RAI2: variants seen among roughly 807,000 people sequenced by gnomAD.
RAI2 encodes retinoic acid induced 2.
Under a neutral mutation model 15.3 loss-of-function variants are expected in RAI2, and 5 were observed. The ratio of observed to expected loss-of-function variants is 0.33; its 90% CI spans 0.17 to 0.69. RAI2 has a LOEUF of 0.69. Among genes scored for constraint, RAI2 ranks in the 30% least tolerant of loss-of-function variants. The pLI, the probability that RAI2 is intolerant of heterozygous loss-of-function variation, is 0.69. For missense variants in RAI2, 424 were observed against 424.7 expected (o/e 1.00, Z 0.01); for synonymous variants, 191 against 184.0 (o/e 1.04, Z -0.31).
intron 1 of RAI2, among the ~76,000 whole-genome samples, chrX:17,807,863 CAT>C (rs1332059281): frequency 8.9e-6 from 1 of 112,393 alleles, no homozygotes; most frequent in Non-Finnish European, 1.9e-5. Flanking sequence ...CATCTTAAAA[CAT>C]ATGCTGAAAA....
intron 1 of RAI2, among the ~76,000 whole-genome samples, chrX:17,823,334 T>A (rs183578807): frequency 8.9e-6 from 1 of 112,355 alleles, no homozygotes; most frequent in African/African-American, 3.2e-5. Context: ...CACTGTGGAA[T>A]CCTAAATAAA....
intron 1 of RAI2, chrX:17,860,833 C>A (rs1828350749): frequency 9.4e-6 from 1 of 105,904 alleles, no homozygotes; most frequent in Non-Finnish European, 2.0e-5. Flanking sequence ...CCGGCCCCGC[C>A]GGCCAGTGCG....
intron 1 of RAI2, among the ~76,000 whole-genome samples, chrX:17,832,698 G>T (rs1179185037): frequency 5.4e-5 from 6 of 111,909 alleles, no homozygotes; most frequent in Non-Finnish European, 1.1e-4. Flanking sequence ...TCCTTTCCTG[G>T]CCACCTGCAA....
At chrX:17,833,151 C>T (rs2067300407) in intron 1 of RAI2, among the ~76,000 whole-genome samples, 1 of 111,964 alleles carries the variant, frequency 8.9e-6, no homozygotes. Context: ...TACAATGCAA[C>T]AACATGGATG....
At chrX:17,856,606 G>A (rs951266582) in intron 1 of RAI2, among the ~76,000 whole-genome samples, 2 of 112,473 alleles carry the variant, frequency 1.8e-5, no homozygotes, top group Non-Finnish European at 3.8e-5. Context: ...CAGCCCAGAC[G>A]GATGAAGGCA....
chrX:17,840,626 G>T (rs188583910), intron 1 of RAI2, among the ~76,000 whole-genome samples: 23 of 111,806 alleles, frequency 2.1e-4, no homozygotes, highest in Admixed American at 4.7e-4. Flanking sequence ...TTATGTAACT[G>T]TCTAGGGTGG....
Position 17,802,006 on chromosome X carries a change from T to C in RAI2, c.5A>G (p.Asp2Gly). 8.4e-7 allele frequency: 1 copy of C among 1,194,517 alleles called. No homozygotes were observed. Among genetic ancestry groups the C allele is most frequent in the Non-Finnish European group, 1.1e-6 (1 of 884,126 alleles). The change falls in exon 2 of 2, where the codon GAC (aspartate) becomes GGC (glycine). Residue 2 changes from aspartate to glycine, a missense_variant. Coordinates refer to ENST00000451717, the MANE Select transcript of RAI2 (RefSeq NM_021785.6). M[D>G]DLQSQNLSMD... ...GGAGAGGTTCTGGGACTGCAGGTCG[T>C]CCATCACTCAGCTCTGATGCCACTT...
rs761368046 is a variant in RAI2 at position 17,811,791 on chromosome X, A to G, written c.-24-9757T>C. 1.4e-3 allele frequency among the ~76,000 whole-genome samples: 158 copies of G among 111,662 alleles called. 1 individual carries two copies. Among genetic ancestry groups the G allele is most frequent in the Admixed American group, 0.01 (107 of 10,596 alleles). On this transcript the variant is annotated intron_variant, in intron 1 of 1. Transcript: ENST00000451717. ...CCTCACCCTGGGCCCTGGGCCCCCT[A>G]TGAGAGTGGTTAGGAGTATAAGCTT... is the stretch of plus-strand genomic sequence containing the variant.
In RAI2 at chrX:17,800,819, T is replaced by G. The variant is rs1186472254; in HGVS notation, c.1192A>C (p.Met398Leu). The G allele has an allele frequency of 2.5e-6, 3 of 1,211,770 alleles. No homozygotes were observed. In the Admixed American group the frequency reaches 6.5e-5, roughly 26 times the overall value. The change falls in exon 2 of 2, where the codon ATG becomes CTG. Residue 398 changes from methionine to leucine, a missense_variant. Physicochemically the swap from Met to Leu is conservative, Grantham distance 15. Transcript: ENST00000451717. ...TCACTGCTGCTGATGTGACTATCCA[T>G]CATGGCTGGGGCCTCATGGGACGTG... The part of the protein sequence containing the change: ...PATSHEAPAM[M>L]DSHISSSDAA...
intron 1 of RAI2, among the ~76,000 whole-genome samples, chrX:17,829,457 C>T (rs2067260586): frequency 9.1e-6 from 1 of 110,133 alleles, no homozygotes. Context: ...CTAATGGGGT[C>T]CAGAAATGTA....
At chrX:17,848,292 G>GA (rs375071115) in intron 1 of RAI2, among the ~76,000 whole-genome samples, 2,421 of 58,712 alleles carry the variant, frequency 0.041, 45 homozygotes, top group African/African-American at 0.074. Flanking sequence ...AACAAAAAAT[G>GA]AAAAAAAAAA....
At position 17,802,048 on chromosome X, in the gene RAI2, C is replaced by T; in HGVS notation, c.-24-14G>A. 8.7e-7 allele frequency: 1 copy of T among 1,155,736 alleles called. No homozygotes were observed. The highest frequency in any genetic ancestry group is 1.2e-6 in the Non-Finnish European group (1 of 865,857). On this transcript the variant is annotated splice_polypyrimidine_tract_variant and intron_variant, in intron 1 of 1. Coordinates refer to ENST00000451717, the MANE Select transcript of RAI2 (RefSeq NM_021785.6). The stretch of plus-strand genomic sequence containing the variant: ...ATGCCACTTGGCCTGCAACACAGAA[C>T]ATACAATATGAATCTTCCTTAAAAG...
At chrX:17,823,499 G>A (rs1465706351) in intron 1 of RAI2, among the ~76,000 whole-genome samples, 1 of 111,829 alleles carries the variant, frequency 8.9e-6, no homozygotes, top group African/African-American at 3.3e-5. Flanking sequence ...CAGTAGGCAA[G>A]ATGTGCGGTG....
intron 1 of RAI2, among the ~76,000 whole-genome samples, chrX:17,855,387 C>T (rs1386882932): frequency 2.7e-5 from 3 of 111,508 alleles, no homozygotes; most frequent in South Asian, 3.8e-4. Flanking sequence ...ACAAGGACAC[C>T]GGCCTGTGGG....
chrX:17,829,031 G>A (rs1218996355), intron 1 of RAI2, among the ~76,000 whole-genome samples: 20 of 110,917 alleles, frequency 1.8e-4, no homozygotes, highest in African/African-American at 3.9e-4. Context: ...CTCGACACCC[G>A]AGGGATCCAA....
At chrX:17,819,170 A>C (rs1332067815) in intron 1 of RAI2, among the ~76,000 whole-genome samples, 2 of 112,342 alleles carry the variant, frequency 1.8e-5, no homozygotes, top group Non-Finnish European at 3.8e-5. Context: ...GATGATTAGT[A>C]GAAACCTCCT....
At chrX:17,823,911 C>A (rs1411208463) in intron 1 of RAI2, among the ~76,000 whole-genome samples, 1 of 111,399 alleles carries the variant, frequency 9.0e-6, no homozygotes, top group Non-Finnish European at 1.9e-5. Flanking sequence ...TTATCCTGGC[C>A]AGTCTTCAGG....
At chrX:17,827,643 C>G (rs1412611875) in intron 1 of RAI2, among the ~76,000 whole-genome samples, 1 of 112,202 alleles carries the variant, frequency 8.9e-6, no homozygotes, top group African/African-American at 3.2e-5. Flanking sequence ...GCTCCAGAAT[C>G]TATGCTCTTA....
chrX:17,842,128 G>A (rs1169021243), intron 1 of RAI2, among the ~76,000 whole-genome samples: 1 of 111,826 alleles, frequency 8.9e-6, no homozygotes, highest in Non-Finnish European at 1.9e-5. Flanking sequence ...TGAGGCCAGA[G>A]AGATGAAGAC....
Sources: gnomAD v4.1 joint callset for allele counts (sites outside exome capture counted in the v4.1 genomes callset) on GRCh38, gnomAD v4.1.1 for gene constraint, MANE v1.5 for transcripts, NCBI Gene and HGNC (gene_info 2026-07-23, HGNC 2026-07-21) for gene names.